The following PNPT1 variants were observed in gnomAD, a reference collection of about 807,000 sequenced individuals.
The protein encoded by PNPT1 is polyribonucleotide nucleotidyltransferase 1, mitochondrial.
PNPT1 carries 53 observed loss-of-function variants against 119.5 expected under a neutral mutation model. The ratio of observed to expected loss-of-function variants is 0.44; its 90% CI spans 0.36 to 0.56. PNPT1 has a LOEUF of 0.56. Among genes scored for constraint, PNPT1 ranks in the 20% least tolerant of loss-of-function variants. The probability of loss-of-function intolerance (pLI) is 0.00; values close to 1 mark genes in which losing one functional copy is unlikely to be tolerated. For synonymous variants in PNPT1, 357 were observed against 322.1 expected, an observed-to-expected ratio of 1.11 and a Z score of -1.16; for missense variants, 948 against 938.5, an observed-to-expected ratio of 1.01 and a Z score of -0.13.
At chr2:55,654,818 C>T in intron 18 of PNPT1, 82 bp downstream of exon 18, 4 of 1,314,552 alleles carry the variant, frequency 3.0e-6, no homozygotes, top group Non-Finnish European at 4.3e-6. Context: ...TCAAGTGAGC[C>T]TCCTGCCTTG....
intron 9 of PNPT1, among the ~76,000 whole-genome samples, chr2:55,672,666 C>G (rs1262834105): frequency 6.6e-6 from 1 of 152,022 alleles, no homozygotes; most frequent in East Asian, 1.9e-4. Flanking sequence ...GAATCTTGAC[C>G]AATAAACACA....
chr2:55,690,058 G>A (rs954799693), intron 1 of PNPT1, among the ~76,000 whole-genome samples: 1 of 152,156 alleles, frequency 6.6e-6, no homozygotes, highest in East Asian at 1.9e-4. Flanking sequence ...CTGGACTCAA[G>A]CAATCCTCCT....
chr2:55,675,137 G>C (rs1385346908), intron 8 of PNPT1, among the ~76,000 whole-genome samples: 1 of 152,030 alleles, frequency 6.6e-6, no homozygotes, highest in Non-Finnish European at 1.5e-5. Flanking sequence ...AGCTGCGGTG[G>C]TGTGCCTGTA....
intron 5 of PNPT1, among the ~76,000 whole-genome samples, chr2:55,683,357 G>C (rs1008978806): frequency 6.6e-6 from 1 of 152,170 alleles, no homozygotes; most frequent in Non-Finnish European, 1.5e-5. Context: ...GCTCACGCCT[G>C]TAATCCTAGC....
chr2:55,676,879 A>G (rs558753388), intron 8 of PNPT1, among the ~76,000 whole-genome samples: 26 of 151,922 alleles, frequency 1.7e-4, no homozygotes, highest in Middle Eastern at 6.8e-3. Flanking sequence ...AAAAAAAAAG[A>G]TTTGGATGAC....
At chr2:55,640,499 T>C (rs1022541351) in intron 26 of PNPT1, 128 bp downstream of exon 26, 4 of 826,026 alleles carry the variant, frequency 4.8e-6, no homozygotes, top group Non-Finnish European at 5.7e-6. Flanking sequence ...CAGCAGCATC[T>C]CTGCCACTTG....
chr2:55,692,691 C>T, intron 1 of PNPT1, among the ~76,000 whole-genome samples: 1 of 152,238 alleles, frequency 6.6e-6, no homozygotes, highest in Middle Eastern at 3.4e-3. Flanking sequence ...AGTACCTTTA[C>T]GACAGGTTTA....
intron 4 of PNPT1, 64 bp from the exon 5 acceptor site, chr2:55,683,898 T>A: frequency 6.7e-7 from 1 of 1,491,686 alleles, no homozygotes; most frequent in Non-Finnish European, 9.3e-7. Context: ...TTCAAAACGT[T>A]TGAACTAATA....
At chr2:55,688,186 G>A (rs1697475786) in intron 1 of PNPT1, among the ~76,000 whole-genome samples, 1 of 151,882 alleles carries the variant, frequency 6.6e-6, no homozygotes, top group Non-Finnish European at 1.5e-5. Flanking sequence ...GGGACTACAT[G>A]TGCACACCAC....
chr2:55,662,142 A>C lies in PNPT1; in HGVS notation c.1177-116T>G, dbSNP rs1426989138. 6.2e-6 allele frequency: 5 copies of C among 806,288 alleles called. No homozygotes were observed. The East Asian group carries it at 1.6e-4, about 25-fold the overall frequency. The allele number at this position is 806,288 out of a possible 1,614,324, so 49.9% of individuals were successfully genotyped here. ...AAAATGAGATAAGTACATCCTACAC[A>C]AAGCTTGCCATGCTACTAACTGCAT... On this transcript the variant is annotated intron_variant, in intron 13 of 27. Coordinates refer to ENST00000447944, the MANE Select transcript of PNPT1 (RefSeq NM_033109.5).
At chr2:55,670,203 T>C (rs1040877448) in intron 11 of PNPT1, among the ~76,000 whole-genome samples, 3 of 152,154 alleles carry the variant, frequency 2.0e-5, no homozygotes. Flanking sequence ...ATTTATTTTT[T>C]TGAGACAGAG....
chr2:55,664,536 G>C (rs982498588), intron 13 of PNPT1, among the ~76,000 whole-genome samples: 6 of 152,012 alleles, frequency 3.9e-5, no homozygotes, highest in Non-Finnish European at 8.8e-5. Context: ...CAGAAGTACA[G>C]CTAAAAAATA....
chr2:55,650,425 G>A (rs895186438), intron 18 of PNPT1, among the ~76,000 whole-genome samples: 28 of 152,308 alleles, frequency 1.8e-4, no homozygotes, highest in Non-Finnish European at 3.1e-4. Context: ...GATTGCAGAC[G>A]GAGTCTCGTT....
In PNPT1 at chr2:55,687,654, A is replaced by G. The variant is rs1460261759; in HGVS notation, c.213T>C (p.Ala71=). 6.3e-7 allele frequency: 1 copy of G among 1,596,492 alleles called. No homozygotes were observed. Among genetic ancestry groups the G allele is most frequent in the South Asian group, 1.1e-5 (1 of 87,032 alleles). ...AATCTGGACTTTTTACCTGTACTACAGCAGAGCCATCTGCAAATCTGGCCA... is the reference window on the plus strand; with the variant it reads ...AATCTGGACTTTTTACCTGTACTACGGCAGAGCCATCTGCAAATCTGGCCA... ...GKLARFADGS[A]VVQSGDTAVM... The change falls in exon 2 of 28, where the codon GCT becomes GCC. Residue 71 remains alanine, a synonymous_variant. Transcript: ENST00000447944.
At chr2:55,691,092 A>T (rs1221491560) in intron 1 of PNPT1, among the ~76,000 whole-genome samples, 2 of 152,186 alleles carry the variant, frequency 1.3e-5, no homozygotes, top group Non-Finnish European at 2.9e-5. Context: ...TGTGAAGGGG[A>T]GTGGAGGATC....
intron 11 of PNPT1, among the ~76,000 whole-genome samples, chr2:55,668,786 GA>G (rs1254093470): frequency 6.6e-6 from 1 of 152,000 alleles, no homozygotes; most frequent in African/African-American, 2.4e-5. Context: ...CTTTAGTAGA[GA>G]CGGGGTTTCT....
chr2:55,668,565 CAGAAG>C (rs1189058563), intron 11 of PNPT1, among the ~76,000 whole-genome samples: 3 of 151,578 alleles, frequency 2.0e-5, no homozygotes, highest in Admixed American at 6.6e-5. Flanking sequence ...ATTATGTTAC[CAGAAG>C]AATCCAGTCA....
chr2:55,693,627 C>CTT, intron 1 of PNPT1, 36 bp downstream of exon 1: 3 of 1,611,924 alleles, frequency 1.9e-6, no homozygotes, highest in Non-Finnish European at 2.5e-6. Flanking sequence ...GACAAGACAC[C>CTT]TTATGACAAT....
At chr2:55,671,605 C>T (rs1696916016) in intron 10 of PNPT1, among the ~76,000 whole-genome samples, 2 of 152,170 alleles carry the variant, frequency 1.3e-5, no homozygotes, top group South Asian at 4.1e-4. Context: ...CTTTGGGTGG[C>T]CAAGGTGGGC....
Sources: gnomAD v4.1 joint callset for allele counts (sites outside exome capture counted in the v4.1 genomes callset) on GRCh38, gnomAD v4.1.1 for gene constraint, MANE v1.5 for transcripts, NCBI Gene and HGNC (gene_info 2026-07-23, HGNC 2026-07-21) for gene names.